Variants in MKNK1 observed in about 807,000 individuals in gnomAD.
The protein encoded by MKNK1 is MAP kinase-interacting serine/threonine-protein kinase 1.
MKNK1 carries 30 observed loss-of-function variants against 49.3 expected under a neutral mutation model. The ratio of observed to expected loss-of-function variants is 0.61; its 90% CI spans 0.46 to 0.83. MKNK1 has a LOEUF of 0.83. Ranked by LOEUF, MKNK1 falls within the 40% of genes least tolerant of loss-of-function variation. The pLI is 0.00. For missense variants in MKNK1, 423 were observed against 524.7 expected, an observed-to-expected ratio of 0.81 and a Z score of 1.89; for synonymous variants, 176 against 201.7, an observed-to-expected ratio of 0.87 and a Z score of 1.08.
chr1:46,578,356 T>C (rs1671269294), intron 4 of MKNK1, among the ~76,000 whole-genome samples: 1 of 152,032 alleles, frequency 6.6e-6, no homozygotes, highest in Non-Finnish European at 1.5e-5. Context: ...TAGGGAGCTT[T>C]GAAAGAGTAG....
chr1:46,587,646 C>T (rs112172607), intron 2 of MKNK1, among the ~76,000 whole-genome samples: 40 of 152,136 alleles, frequency 2.6e-4, no homozygotes, highest in Admixed American at 2.2e-3. Context: ...GGAGAAACCT[C>T]GTCTCTACTA....
At chr1:46,593,922 T>C (rs557198705) in intron 2 of MKNK1, 191 bp downstream of exon 2, 42 of 480,912 alleles carry the variant, frequency 8.7e-5, no homozygotes, top group African/African-American at 7.7e-4. Flanking sequence ...GACCCTTCCA[T>C]GTCATTCTGT....
chr1:46,582,021 T>C (rs764034407), intron 3 of MKNK1, among the ~76,000 whole-genome samples: 3 of 152,186 alleles, frequency 2.0e-5, no homozygotes, highest in Admixed American at 1.3e-4. Context: ...ATTTCAACCA[T>C]GAATTAGATT....
At chr1:46,603,308 A>AG (rs929229883) in intron 1 of MKNK1, among the ~76,000 whole-genome samples, 2 of 152,178 alleles carry the variant, frequency 1.3e-5, no homozygotes, top group African/African-American at 4.8e-5. Context: ...CCCATTCTGC[A>AG]GGGTCAGTTC....
At chr1:46,576,688 A>T (rs1437081948) in intron 4 of MKNK1, 34 bp from the exon 5 acceptor site, 10 of 1,586,726 alleles carry the variant, frequency 6.3e-6, no homozygotes, top group Non-Finnish European at 8.7e-6. Flanking sequence ...ATGTACACCC[A>T]CCTGACTTCC....
At chr1:46,564,926 C>T in intron 9 of MKNK1, 115 bp downstream of exon 9, 1 of 983,426 alleles carries the variant, frequency 1.0e-6, no homozygotes, top group Non-Finnish European at 1.6e-6. Flanking sequence ...ATCACTCAGG[C>T]AGCAGGAAGA....
chr1:46,569,507 G>C (rs541677953), intron 7 of MKNK1: 7 of 152,352 alleles, frequency 4.6e-5, no homozygotes, highest in Admixed American at 3.9e-4. Context: ...GCTACAGTTG[G>C]AAGTATTGGA....
chr1:46,561,478 C>T lies in MKNK1; in HGVS notation c.969G>A (p.Gly323=), dbSNP rs906687657. The T allele has an allele frequency of 3.7e-6, 6 of 1,610,844 alleles. No homozygotes were observed. Among genetic ancestry groups the T allele is most frequent in the Non-Finnish European group, 5.1e-6 (6 of 1,178,014 alleles). The part of the protein sequence containing the change: ...AQVLQHPWVQ[G]QAPEKGLPTP... ...AACACCCCTCCCTGGAGTCACTCAC[C>T]CCCTGCACCCATGGGTGCTGCAGAA... The change falls in exon 11 of 13, where the codon GGG becomes GGA. Residue 323 remains glycine (G), a splice_region_variant and synonymous_variant. Coordinates refer to ENST00000371945, the MANE Select transcript of MKNK1 (RefSeq NM_001135553.4).
chr1:46,590,058 C>G (rs1446546994), intron 2 of MKNK1, among the ~76,000 whole-genome samples: 1 of 152,176 alleles, frequency 6.6e-6, no homozygotes, highest in Non-Finnish European at 1.5e-5. Flanking sequence ...CGATTTCCCT[C>G]AGCCACAAGA....
intron 2 of MKNK1, among the ~76,000 whole-genome samples, chr1:46,590,397 T>G (rs1399975598): frequency 6.6e-6 from 1 of 152,236 alleles, no homozygotes; most frequent in African/African-American, 2.4e-5. Flanking sequence ...TGCTGCTTAC[T>G]GTAGGCCAGG....
chr1:46,572,904 T>C (rs936404901), intron 6 of MKNK1, among the ~76,000 whole-genome samples: 1 of 152,188 alleles, frequency 6.6e-6, no homozygotes, highest in African/African-American at 2.4e-5. Flanking sequence ...GCCACACCCT[T>C]GCCAGACATG....
Position 46,558,279 on chromosome 1 carries a change from C to G in MKNK1, c.*296G>C, listed in dbSNP as rs191133307. 307 of 387,344 alleles carry G rather than the reference C, an allele frequency of 7.9e-4. 1 individual carries two copies. The Middle Eastern group carries it at 9.8e-3, about 12-fold the overall frequency. The allele number at this position is 387,344 out of a possible 1,614,324, so 24.0% of individuals were successfully genotyped here. A position where few individuals can be genotyped will look rare whatever the true frequency, so the allele number is the denominator to read the frequency against. ...GGTGAGAGCAGGCTGGATCCCAGAT[C>G]TGCAGGCGGGTGAGCAGGTGGAGCC... On this transcript the variant is annotated 3_prime_UTR_variant, in exon 13 of 13. Coordinates refer to ENST00000371945, the MANE Select transcript of MKNK1 (RefSeq NM_001135553.4).
chr1:46,577,285 C>T (rs369498871), intron 4 of MKNK1, among the ~76,000 whole-genome samples: 1 of 152,134 alleles, frequency 6.6e-6, no homozygotes, highest in Non-Finnish European at 1.5e-5. Flanking sequence ...TCTAGACCAG[C>T]CTGGCCAACA....
chr1:46,561,662 C>T lies in MKNK1; in HGVS notation c.805-20G>A, dbSNP rs1451294107. ...CTTGTTCTAGGTACAAAAGATTCCT[C>T]CTGAGGCCACACTGCCAGGGATGGG... On this transcript the variant is annotated intron_variant, in intron 10 of 12. Coordinates refer to ENST00000371945, the MANE Select transcript of MKNK1 (RefSeq NM_001135553.4). 6.2e-7 allele frequency: 1 copy of T among 1,611,758 alleles called. No individual in the cohort carries two copies. Among genetic ancestry groups the T allele is most frequent in the South Asian group, 1.1e-5 (1 of 90,872 alleles).
rs1667307976 is a variant in MKNK1, at chr1:46,558,169, G to A, written c.*406C>T. 5.8e-6 allele frequency: 1 copy of A among 172,160 alleles called. No homozygotes were observed. Among genetic ancestry groups the A allele is most frequent in the East Asian group, 1.7e-4 (1 of 6,020 alleles). The allele number at this position is 172,160 out of a possible 1,614,324, so 10.7% of individuals were successfully genotyped here. A position where few individuals can be genotyped will look rare whatever the true frequency, so the allele number is the denominator to read the frequency against. ...AGAGGAGGGTGACAGAGAAGAGAGGGAAGAGGCACGTGTCGGCAGCCTCTG... is the reference window on the plus strand; with the variant it reads ...AGAGGAGGGTGACAGAGAAGAGAGGAAAGAGGCACGTGTCGGCAGCCTCTG... On this transcript the variant is annotated 3_prime_UTR_variant, in exon 13 of 13. Coordinates refer to ENST00000371945, the MANE Select transcript of MKNK1 (RefSeq NM_001135553.4).
At chr1:46,567,983 G>A (rs532030270) in intron 8 of MKNK1, among the ~76,000 whole-genome samples, 4 of 152,146 alleles carry the variant, frequency 2.6e-5, no homozygotes, top group African/African-American at 9.7e-5. Flanking sequence ...TTAGCCAGGT[G>A]TGGTGGCACA....
In MKNK1 at chr1:46,568,426, A is replaced by C. The variant is rs375658004; in HGVS notation, c.513+17T>G. Reference sequence around the variant, plus strand: ...GGTAAGTATAAACTATAACATTCCAAATCAGGCCCAAAGTACCTTTTCTGG... The same window carrying C: ...GGTAAGTATAAACTATAACATTCCACATCAGGCCCAAAGTACCTTTTCTGG... On this transcript the variant is annotated intron_variant, in intron 8 of 12. Coordinates refer to ENST00000371945, the MANE Select transcript of MKNK1 (RefSeq NM_001135553.4). The C allele has an allele frequency of 1.2e-6, 2 of 1,613,024 alleles. No individual in the cohort carries two copies. The highest frequency in any genetic ancestry group is 1.7e-6 in the Non-Finnish European group (2 of 1,179,176).
At chr1:46,572,192 G>A in intron 6 of MKNK1, 25 bp from the exon 7 acceptor site, 1 of 1,600,904 alleles carries the variant, frequency 6.2e-7, no homozygotes, top group Non-Finnish European at 8.6e-7. Flanking sequence ...GGACATAGAA[G>A]AATGCCTTTT....
intron 9 of MKNK1, among the ~76,000 whole-genome samples, chr1:46,564,068 G>T (rs559899378): frequency 1.2e-5 from 1 of 80,404 alleles, no homozygotes; most frequent in East Asian, 4.6e-4. Flanking sequence ...AAAAAAAAGG[G>T]TTATTAGGAA....
Sources: allele counts gnomAD v4.1 joint callset (sites outside exome capture counted in the v4.1 genomes callset), GRCh38; gene constraint gnomAD v4.1.1; transcripts MANE v1.5; gene names NCBI Gene and HGNC (gene_info 2026-07-23, HGNC 2026-07-21).